CCSER1: variants seen among roughly 807,000 people sequenced by gnomAD.
The protein encoded by CCSER1 is serine-rich coiled-coil domain-containing protein 1.
CCSER1 carries 41 observed loss-of-function variants against 82.0 expected under a neutral mutation model. That is an observed-to-expected ratio of 0.50 (90% CI 0.39 to 0.65). The LOEUF is 0.65. Ranked by LOEUF, CCSER1 falls within the 30% of genes least tolerant of loss-of-function variation. The pLI is 0.00. For missense variants in CCSER1, 1,119 were observed against 1,064.2 expected (o/e 1.05, Z -0.72); for synonymous variants, 414 against 383.9 (o/e 1.08, Z -0.92).
intron 9 of CCSER1, among the ~76,000 whole-genome samples, chr4:90,978,653 A>G (rs1283063104): frequency 6.6e-6 from 1 of 151,786 alleles, no homozygotes; most frequent in East Asian, 1.9e-4. Flanking sequence ...TGCAATCTCA[A>G]AATTAGATTT....
At chr4:90,128,596 TG>T (rs1355502394) in intron 1 of CCSER1, among the ~76,000 whole-genome samples, 1 of 152,092 alleles carries the variant, frequency 6.6e-6, no homozygotes, top group Non-Finnish European at 1.5e-5. Flanking sequence ...AAACCGCATG[TG>T]GCCCCCTGGC....
intron 10 of CCSER1, among the ~76,000 whole-genome samples, chr4:91,423,827 A>G (rs1013371494): frequency 6.6e-6 from 1 of 152,024 alleles, no homozygotes; most frequent in Admixed American, 6.5e-5. Flanking sequence ...GAGTCTCTGT[A>G]TTGTGCACTG....
intron 10 of CCSER1, among the ~76,000 whole-genome samples, chr4:91,086,210 A>G (rs1238530433): frequency 1.3e-5 from 2 of 152,146 alleles, no homozygotes; most frequent in African/African-American, 4.8e-5. Context: ...CTGAAGCTAA[A>G]GAAAATGTTG....
chr4:91,107,474 C>T (rs1725727447), intron 10 of CCSER1, among the ~76,000 whole-genome samples: 1 of 152,124 alleles, frequency 6.6e-6, no homozygotes, highest in Admixed American at 6.5e-5. Context: ...TCAGGATGGT[C>T]TGAATCTCCT....
At chr4:91,184,431 A>T (rs1027944898) in intron 10 of CCSER1, among the ~76,000 whole-genome samples, 2 of 152,236 alleles carry the variant, frequency 1.3e-5, no homozygotes, top group African/African-American at 4.8e-5. Flanking sequence ...TAGCAGGAGA[A>T]GGCAATCCTG....
At chr4:91,188,312 T>C (rs1185665402) in intron 10 of CCSER1, among the ~76,000 whole-genome samples, 1 of 152,220 alleles carries the variant, frequency 6.6e-6, no homozygotes, top group Admixed American at 6.5e-5. Flanking sequence ...ATGAGGTTCA[T>C]AGTAGTAGTC....
intron 1 of CCSER1, among the ~76,000 whole-genome samples, chr4:90,278,960 G>T (rs72879745): frequency 6.6e-6 from 1 of 152,008 alleles, no homozygotes; most frequent in African/African-American, 2.4e-5. Flanking sequence ...TTCCATAAGC[G>T]TAGGTTTATA....
chr4:90,772,803 T>C (rs539279891), intron 7 of CCSER1, among the ~76,000 whole-genome samples: 1 of 152,334 alleles, frequency 6.6e-6, no homozygotes, highest in African/African-American at 2.4e-5. Flanking sequence ...TCTTTTCTTG[T>C]GACAATCCTT....
intron 3 of CCSER1, among the ~76,000 whole-genome samples, chr4:90,396,015 A>C (rs1751900486): frequency 6.6e-6 from 1 of 152,106 alleles, no homozygotes. Context: ...CAGGGGGCAG[A>C]GGTTGCAGTG....
At chr4:91,347,193 A>G (rs1748118410) in intron 10 of CCSER1, among the ~76,000 whole-genome samples, 1 of 151,082 alleles carries the variant, frequency 6.6e-6, no homozygotes, top group Non-Finnish European at 1.5e-5. Context: ...GTGTAGATTT[A>G]TTTTTTGCAT....
At chr4:90,212,221 C>T (rs909467771) in intron 1 of CCSER1, among the ~76,000 whole-genome samples, 3 of 152,030 alleles carry the variant, frequency 2.0e-5, no homozygotes, top group East Asian at 1.9e-4. Flanking sequence ...TTGAGGAGTT[C>T]GGAAAAGCAG....
rs36102296 is a variant in CCSER1 at position 91,274,949 on chromosome 4, C to CA, written c.2217+188963dup. 2.5e-3 allele frequency among the ~76,000 whole-genome samples: 379 copies of CA among 151,372 alleles called. 2 individuals are homozygous for CA. Among genetic ancestry groups the CA allele is most frequent in the South Asian group, 0.016 (78 of 4,774 alleles). On this transcript the variant is annotated intron_variant, in intron 10 of 10. Coordinates refer to ENST00000509176, the MANE Select transcript of CCSER1 (RefSeq NM_001145065.2). ...TGAAACCCCGTCCCTACTAAAAATA[C>CA]AAAAAAAATAGCTGGGAGTGGTGGC...
Position 91,329,980 on chromosome 4 carries a change from A to T in CCSER1, c.2217+243986A>T, listed in dbSNP as rs535265569. Among the ~76,000 whole-genome samples the T allele has an allele frequency of 2.3e-3, 350 of 152,004 alleles. 2 individuals are homozygous for T. Among genetic ancestry groups the T allele is most frequent in the South Asian group, 0.017 (83 of 4,816 alleles). The stretch of plus-strand genomic sequence containing the variant: ...TTTCCTTTCATTAACTTTTGCTCTT[A>T]AGAGTATGAGTTTTCCTCTGCTGTA... On this transcript the variant is annotated intron_variant, in intron 10 of 10. Transcript: ENST00000509176.
intron 10 of CCSER1, among the ~76,000 whole-genome samples, chr4:91,315,892 G>T (rs563520653): frequency 5.3e-5 from 8 of 152,028 alleles, no homozygotes; most frequent in African/African-American, 1.9e-4. Context: ...GATATGGTTT[G>T]GCTGTGTCCC....
At chr4:91,461,990 C>A (rs1015604290) in intron 10 of CCSER1, among the ~76,000 whole-genome samples, 2 of 152,102 alleles carry the variant, frequency 1.3e-5, no homozygotes, top group African/African-American at 4.8e-5. Context: ...TAATGTGTTT[C>A]ATCATAAATT....
At chr4:90,130,748 G>A (rs575856299) in intron 1 of CCSER1, among the ~76,000 whole-genome samples, 39 of 146,140 alleles carry the variant, frequency 2.7e-4, no homozygotes, top group South Asian at 4.5e-4. Flanking sequence ...CTCAGCCTCC[G>A]GAGTAGTTGG....
At chr4:90,933,428 C>T (rs1185660708) in intron 9 of CCSER1, among the ~76,000 whole-genome samples, 6 of 151,696 alleles carry the variant, frequency 4.0e-5, no homozygotes, top group African/African-American at 1.5e-4. Context: ...ACCTCATGAT[C>T]CGCCCACCTC....
chr4:91,440,835 C>G (rs1425220332), intron 10 of CCSER1, among the ~76,000 whole-genome samples: 7 of 152,276 alleles, frequency 4.6e-5, no homozygotes, highest in African/African-American at 1.7e-4. Context: ...GACAATACTA[C>G]AAACACCTCT....
intron 10 of CCSER1, among the ~76,000 whole-genome samples, chr4:91,401,095 A>G (rs535308148): frequency 9.1e-4 from 138 of 152,004 alleles, no homozygotes; most frequent in African/African-American, 3.1e-3. Flanking sequence ...AGTGATTACT[A>G]TGATCCAGAT....
Sources: gnomAD v4.1 joint callset for allele counts (sites outside exome capture counted in the v4.1 genomes callset) on GRCh38, gnomAD v4.1.1 for gene constraint, MANE v1.5 for transcripts, NCBI Gene and HGNC (gene_info 2026-07-23, HGNC 2026-07-21) for gene names.